Variants in LMO3 observed in about 807,000 individuals in gnomAD.
The protein encoded by LMO3 is LIM domain only protein 3.
LMO3 carries 2 observed loss-of-function variants against 15.8 expected under a neutral mutation model. That is an observed-to-expected ratio of 0.13 (90% CI 0.05 to 0.40). LMO3 has a LOEUF of 0.40. Ranked by LOEUF, LMO3 falls within the 10% of genes least tolerant of loss-of-function variation. The pLI is 0.99. For missense variants in LMO3, 86 were observed against 182.2 expected, an observed-to-expected ratio of 0.47 and a Z score of 3.04; for synonymous variants, 62 against 63.8, an observed-to-expected ratio of 0.97 and a Z score of 0.13.
In LMO3 at chr12:16,590,532, C is replaced by T. The variant is rs114895987; in HGVS notation, c.206+10123G>A. 8.7e-3 allele frequency among the ~76,000 whole-genome samples: 1,323 copies of T among 151,808 alleles called. 31 individuals are homozygous for T. Among genetic ancestry groups the T allele is most frequent in the African/African-American group, 0.03 (1,227 of 41,402 alleles). The stretch of plus-strand genomic sequence containing the variant: ...ATATCACCCCTCAGACCTAGAATAG[C>T]GGACTTCAAGAGTAGAAAATTAATG... On this transcript the variant is annotated intron_variant, in intron 2 of 3. Transcript: ENST00000537304.
chr12:16,548,824 A>G lies in LMO3; in HGVS notation c.*2398T>C, dbSNP rs1049730741. On this transcript the variant is annotated 3_prime_UTR_variant, in exon 4 of 4. Coordinates refer to ENST00000537304, the MANE Select transcript of LMO3 (RefSeq NM_018640.5). The surrounding 1 kb of genome is among the most constrained non-coding windows in gnomAD (Gnocchi z 4.2). ...TCACGATTTCATGGAGATTAAAGAT[A>G]ATCTAAACAGATTAAGGCCTTAATC... is the stretch of plus-strand genomic sequence containing the variant. The G allele has an allele frequency of 4.6e-5, 7 of 152,148 alleles. No homozygotes were observed. The highest frequency in any genetic ancestry group is 1.7e-4 in the African/African-American group (7 of 41,428). 9.4% of individuals were successfully genotyped at this position (152,148 alleles called of 1,614,324 possible). A position where few individuals can be genotyped will look rare whatever the true frequency, so the allele number is the denominator to read the frequency against.
At chr12:16,577,341 C>T (rs12231242) in intron 2 of LMO3, among the ~76,000 whole-genome samples, 8,409 of 152,232 alleles carry the variant, frequency 0.055, 509 homozygotes, top group East Asian at 0.32. Flanking sequence ...TATCACAATT[C>T]TTCCATGAAG....
chr12:16,594,862 A>C (rs1393189581), intron 2 of LMO3, among the ~76,000 whole-genome samples: 2 of 151,622 alleles, frequency 1.3e-5, no homozygotes, highest in Non-Finnish European at 3.0e-5. Flanking sequence ...CACACCATTA[A>C]AATTTATTAT....
chr12:16,580,441 T>C lies in LMO3; in HGVS notation c.207-19903A>G, dbSNP rs139100865. Reference sequence around the variant, plus strand: ...TAAGTGAATGTCATGAAAATGACAATGTTCAAGATTAAGAGAAACTTCATA... The same window carrying C: ...TAAGTGAATGTCATGAAAATGACAACGTTCAAGATTAAGAGAAACTTCATA... On this transcript the variant is annotated intron_variant, in intron 2 of 3. Coordinates refer to ENST00000537304, the MANE Select transcript of LMO3 (RefSeq NM_018640.5). 5.3e-3 allele frequency among the ~76,000 whole-genome samples: 805 copies of C among 152,324 alleles called. 9 individuals are homozygous for C. Among genetic ancestry groups the C allele is most frequent in the African/African-American group, 0.019 (777 of 41,558 alleles).
Position 16,587,995 on chromosome 12 carries a change from CCTGT to C in LMO3, c.206+12656_206+12659del, listed in dbSNP as rs1248269389. Among the ~76,000 whole-genome samples, 3 of 151,886 alleles carry C rather than the reference CCTGT, an allele frequency of 2.0e-5. No homozygotes were observed. The highest frequency in any genetic ancestry group is 6.6e-5 in the Admixed American group (1 of 15,216). On this transcript the variant is annotated intron_variant, in intron 2 of 3. Coordinates refer to ENST00000537304, the MANE Select transcript of LMO3 (RefSeq NM_018640.5). The surrounding 1 kb of genome is among the most constrained non-coding windows in gnomAD (Gnocchi z 4.3). ...AAGTCCCTTTCTTTCAGATAATTAC[CCTGT>C]CTTTCTCTTACGACTTCTTTCCCAA...
intron 2 of LMO3, among the ~76,000 whole-genome samples, chr12:16,566,883 T>C (rs1942636151): frequency 1.3e-5 from 2 of 152,170 alleles, no homozygotes; most frequent in Admixed American, 6.6e-5. Flanking sequence ...TAAGTTAAAC[T>C]TACTAAGTGC....
rs1415302886 is a variant in LMO3 at position 16,599,387 on chromosome 12, G to A, written c.206+1268C>T. The A allele has an allele frequency of 1.3e-5, 2 of 152,050 alleles. No homozygotes were observed. The highest frequency in any genetic ancestry group is 2.1e-4 in the South Asian group (1 of 4,828). The allele number at this position is 152,050 out of a possible 1,614,324, so 9.4% of individuals were successfully genotyped here. A position where few individuals can be genotyped will look rare whatever the true frequency, so the allele number is the denominator to read the frequency against. On this transcript the variant is annotated intron_variant, in intron 2 of 3. Transcript: ENST00000537304. This position sits in a 1 kb window ranked among gnomAD's most constrained non-coding sequence, Gnocchi z 4.1. ...GGAGTAGAATCTGATAAACAGTACCGCTTTCACCCTCTTGTAACTACCATT... is the reference window on the plus strand; with the variant it reads ...GGAGTAGAATCTGATAAACAGTACCACTTTCACCCTCTTGTAACTACCATT...
At chr12:16,577,505 A>G (rs1359157608) in intron 2 of LMO3, among the ~76,000 whole-genome samples, 1 of 152,116 alleles carries the variant, frequency 6.6e-6, no homozygotes, top group African/African-American at 2.4e-5. Flanking sequence ...TCTACCCTCC[A>G]GTCAATATTT....
intron 3 of LMO3, among the ~76,000 whole-genome samples, chr12:16,551,980 C>T (rs1353139036): frequency 6.6e-6 from 1 of 151,908 alleles, no homozygotes; most frequent in Non-Finnish European, 1.5e-5. Flanking sequence ...AGAGCACTTC[C>T]AATTCAACCA....
At chr12:16,572,110 A>C (rs961246989) in intron 2 of LMO3, among the ~76,000 whole-genome samples, 11 of 151,994 alleles carry the variant, frequency 7.2e-5, no homozygotes, top group African/African-American at 2.7e-4. Context: ...ATCCTGCAAG[A>C]AAAAGGTACA....
chr12:16,556,032 G>A (rs1035830746), intron 3 of LMO3, among the ~76,000 whole-genome samples: 1 of 151,690 alleles, frequency 6.6e-6, no homozygotes, highest in Non-Finnish European at 1.5e-5. Context: ...CCGTAGCTCC[G>A]GACACCTCTA....
At chr12:16,605,909 A>C (rs1943980463) in intron 1 of LMO3, 157 bp downstream of exon 1, 1 of 1,342,088 alleles carries the variant, frequency 7.5e-7, no homozygotes, top group Admixed American at 2.0e-5. Context: ...GCCCGAGTGA[A>C]AGTTGCAGTG....
chr12:16,595,306 T>C (rs1317710386), intron 2 of LMO3, among the ~76,000 whole-genome samples: 2 of 151,428 alleles, frequency 1.3e-5, no homozygotes, highest in Non-Finnish European at 3.0e-5. Flanking sequence ...TGGTAAATAC[T>C]CATTTACTGA....
At chr12:16,558,709 C>T (rs1591773379) in intron 3 of LMO3, among the ~76,000 whole-genome samples, 1 of 152,100 alleles carries the variant, frequency 6.6e-6, no homozygotes, top group African/African-American at 2.4e-5. Context: ...TTATAAGGTA[C>T]ATTAGGCAAC....
At chr12:16,590,914 T>G (rs992617801) in intron 2 of LMO3, among the ~76,000 whole-genome samples, 1 of 151,920 alleles carries the variant, frequency 6.6e-6, no homozygotes, top group Non-Finnish European at 1.5e-5. Context: ...TCACACAGGG[T>G]CATCAATGGG....
chr12:16,570,345 T>A (rs527263152), intron 2 of LMO3, among the ~76,000 whole-genome samples: 58 of 152,264 alleles, frequency 3.8e-4, no homozygotes, highest in Middle Eastern at 6.8e-3. Context: ...TTTCTTTCCA[T>A]ACACTATATA....
Position 16,586,412 on chromosome 12 carries a change from A to G in LMO3, c.206+14243T>C, listed in dbSNP as rs1351935474. ...CGGAGGATCCTAATCTTCCCCAGCA[A>G]GGCTTTCTGGTTCTCCTCCAACACA... is the stretch of plus-strand genomic sequence containing the variant. On this transcript the variant is annotated intron_variant, in intron 2 of 3. Coordinates refer to ENST00000537304, the MANE Select transcript of LMO3 (RefSeq NM_018640.5). The surrounding 1 kb of genome is among the most constrained non-coding windows in gnomAD (Gnocchi z 4.3). Among the ~76,000 whole-genome samples, 1 of 152,144 alleles carries G rather than the reference A, an allele frequency of 6.6e-6. No homozygotes were observed. The highest frequency in any genetic ancestry group is 6.6e-5 in the Admixed American group (1 of 15,258).
intron 2 of LMO3, among the ~76,000 whole-genome samples, chr12:16,588,674 T>C (rs1315780129): frequency 6.6e-6 from 1 of 152,102 alleles, no homozygotes; most frequent in Non-Finnish European, 1.5e-5. Context: ...TCTCCAGTGT[T>C]GAGATATTTT....
Position 16,591,043 on chromosome 12 carries a change from A to G in LMO3, c.206+9612T>C, listed in dbSNP as rs1340081148. On this transcript the variant is annotated intron_variant, in intron 2 of 3. Coordinates refer to ENST00000537304, the MANE Select transcript of LMO3 (RefSeq NM_018640.5). The surrounding 1 kb of genome is among the most constrained non-coding windows in gnomAD (Gnocchi z 4.1). The stretch of plus-strand genomic sequence containing the variant: ...ATTGATTTCACAACTGCCTCACTGA[A>G]TAAGCTTTACAATGGTTTTCAAATT... 6.6e-6 allele frequency among the ~76,000 whole-genome samples: 1 copy of G among 152,174 alleles called. No homozygotes were observed. The highest frequency in any genetic ancestry group is 1.9e-4 in the East Asian group (1 of 5,170).
Sources: allele counts gnomAD v4.1 joint callset (sites outside exome capture counted in the v4.1 genomes callset), GRCh38; gene constraint gnomAD v4.1.1; non-coding constraint Gnocchi (gnomAD v3.1); transcripts MANE v1.5; gene names NCBI Gene and HGNC (gene_info 2026-07-23, HGNC 2026-07-21).